The following CDH13 variants were observed in gnomAD, a reference collection of about 807,000 sequenced individuals.
CDH13 encodes the protein cadherin 13.
A neutral mutation model predicts 63.8 loss-of-function variants in CDH13; 24 were observed. That is an observed-to-expected ratio of 0.38 (90% confidence interval 0.27 to 0.53). The LOEUF is 0.53. Among genes scored for constraint, CDH13 ranks in the 20% least tolerant of loss-of-function variants. The pLI, the probability that CDH13 is intolerant of heterozygous loss-of-function variation, is 0.85. For missense variants in CDH13, 1,049 were observed against 903.1 expected (o/e 1.16, Z -2.07); for synonymous variants, 503 against 355.3 (o/e 1.42, Z -4.67).
chr16:82,918,043 T>C (rs1047779077), intron 2 of CDH13, among the ~76,000 whole-genome samples: 2 of 151,928 alleles, frequency 1.3e-5, no homozygotes, highest in Admixed American at 6.6e-5. Flanking sequence ...AAGCCAAAGA[T>C]CACAAAAAGA....
intron 6 of CDH13, among the ~76,000 whole-genome samples, chr16:83,368,304 C>G (rs984412215): frequency 6.6e-6 from 1 of 152,168 alleles, no homozygotes; most frequent in Non-Finnish European, 1.5e-5. Context: ...CAGATACATA[C>G]TGAGGTAGCA....
At chr16:83,378,673 G>C (rs1337994025) in intron 6 of CDH13, among the ~76,000 whole-genome samples, 3 of 152,162 alleles carry the variant, frequency 2.0e-5, no homozygotes, top group Non-Finnish European at 4.4e-5. Context: ...CCTTAGGCAA[G>C]ATACTTGACT....
chr16:82,772,818 G>A (rs1274585459), intron 1 of CDH13, among the ~76,000 whole-genome samples: 3 of 152,128 alleles, frequency 2.0e-5, no homozygotes, highest in African/African-American at 7.2e-5. Flanking sequence ...CATTCAATCT[G>A]ACTCCAAATG....
intron 6 of CDH13, among the ~76,000 whole-genome samples, chr16:83,377,911 A>T (rs2091486922): frequency 6.6e-6 from 1 of 152,184 alleles, no homozygotes; most frequent in Non-Finnish European, 1.5e-5. Flanking sequence ...ATAAGTTCTG[A>T]GAAAGTACCC....
chr16:83,503,768 G>A (rs1797541631), intron 7 of CDH13, among the ~76,000 whole-genome samples: 1 of 152,004 alleles, frequency 6.6e-6, no homozygotes, highest in African/African-American at 2.4e-5. Context: ...ATTTGTTTAA[G>A]TTCCTTGTAA....
chr16:83,600,139 C>T (rs1372883349), intron 7 of CDH13, among the ~76,000 whole-genome samples: 9 of 152,146 alleles, frequency 5.9e-5, no homozygotes, highest in African/African-American at 1.4e-4. Flanking sequence ...TTGAACCAGG[C>T]AGAACCAGGG....
intron 10 of CDH13, chr16:83,728,774 T>A (rs1208781881): frequency 6.6e-6 from 1 of 152,216 alleles, no homozygotes. Context: ...ACTGTGTGGT[T>A]CAACCTAATA....
At position 82,864,732 on chromosome 16, in the gene CDH13, C is replaced by T. The variant is rs544063725; in HGVS notation, c.157+6259C>T. Among the ~76,000 whole-genome samples the T allele has an allele frequency of 2.6e-5, 4 of 152,246 alleles. No homozygotes were observed. In the South Asian group the frequency reaches 6.2e-4, roughly 24 times the overall value. On this transcript the variant is annotated intron_variant, in intron 2 of 13. Coordinates refer to ENST00000567109, the MANE Select transcript of CDH13 (RefSeq NM_001257.5). ...CATGTTATTCCGCCCCTGGTTCCTC[C>T]CAAATCTCATGTCCCTTTCACATTT...
chr16:83,791,359 G>A lies in CDH13; in HGVS notation c.2135-3664G>A, dbSNP rs993387845. On this transcript the variant is annotated intron_variant, in intron 13 of 13. Coordinates refer to ENST00000567109, the MANE Select transcript of CDH13 (RefSeq NM_001257.5). ...AAAGCTATAAAAATTACCTGGGCAC[G>A]GTGGCACACACCTGTAATCCCAGCT... is the stretch of plus-strand genomic sequence containing the variant. Among the ~76,000 whole-genome samples the A allele has an allele frequency of 1.2e-4, 19 of 152,094 alleles. No individual in the cohort carries two copies. The East Asian group carries it at 1.7e-3, about 14-fold the overall frequency.
At chr16:83,421,077 T>C (rs890776598) in intron 6 of CDH13, among the ~76,000 whole-genome samples, 2 of 152,070 alleles carry the variant, frequency 1.3e-5, no homozygotes, top group Non-Finnish European at 2.9e-5. Context: ...GTGGATAAGA[T>C]TAATAAGGGA....
chr16:83,558,640 C>T (rs1417301786), intron 7 of CDH13, among the ~76,000 whole-genome samples: 1 of 151,908 alleles, frequency 6.6e-6, no homozygotes, highest in East Asian at 1.9e-4. Flanking sequence ...ACTTTTTTTC[C>T]CTTTTTTTTC....
At chr16:83,781,360 A>G (rs1915509214) in intron 12 of CDH13, among the ~76,000 whole-genome samples, 1 of 152,254 alleles carries the variant, frequency 6.6e-6, no homozygotes, top group South Asian at 2.1e-4. Flanking sequence ...CTATGTCTTC[A>G]ATAATATACT....
At chr16:83,719,519 C>T (rs1373210536) in intron 10 of CDH13, among the ~76,000 whole-genome samples, 1 of 152,100 alleles carries the variant, frequency 6.6e-6, no homozygotes, top group Non-Finnish European at 1.5e-5. Flanking sequence ...TTTCCAGCGC[C>T]ACATTTTCCA....
At chr16:83,248,318 C>G (rs937699239) in intron 5 of CDH13, among the ~76,000 whole-genome samples, 6 of 152,134 alleles carry the variant, frequency 3.9e-5, no homozygotes, top group African/African-American at 1.4e-4. Context: ...ATCCTACCCT[C>G]TAGCTATGTC....
chr16:83,006,528 T>G (rs1298550000), intron 2 of CDH13, among the ~76,000 whole-genome samples: 1 of 152,136 alleles, frequency 6.6e-6, no homozygotes, highest in African/African-American at 2.4e-5. Flanking sequence ...GACTGCTCAG[T>G]GCAGCCTCGA....
intron 1 of CDH13, among the ~76,000 whole-genome samples, chr16:82,753,221 G>A (rs1480971800): frequency 6.6e-6 from 1 of 152,202 alleles, no homozygotes; most frequent in East Asian, 1.9e-4. Flanking sequence ...AGAAGGAAGT[G>A]ACTGGCAGAA....
At chr16:83,547,434 T>C (rs1375310913) in intron 7 of CDH13, among the ~76,000 whole-genome samples, 2 of 152,198 alleles carry the variant, frequency 1.3e-5, no homozygotes, top group Admixed American at 1.3e-4. Context: ...TAGTTGTTTT[T>C]TTCTGATCTT....
intron 6 of CDH13, among the ~76,000 whole-genome samples, chr16:83,373,137 A>C (rs1183808178): frequency 6.6e-6 from 1 of 152,232 alleles, no homozygotes; most frequent in Non-Finnish European, 1.5e-5. Flanking sequence ...ATATTGAGCA[A>C]ATGTTTAAAC....
chr16:83,270,990 C>G (rs1382172821), intron 5 of CDH13, among the ~76,000 whole-genome samples: 3 of 150,250 alleles, frequency 2.0e-5, no homozygotes, highest in Non-Finnish European at 4.4e-5. Flanking sequence ...TTCTTTTCTC[C>G]CTCTCTCATT....
Sources: gnomAD v4.1 joint callset for allele counts (sites outside exome capture counted in the v4.1 genomes callset) on GRCh38, gnomAD v4.1.1 for gene constraint, MANE v1.5 for transcripts, NCBI Gene and HGNC (gene_info 2026-07-23, HGNC 2026-07-21) for gene names.